The following ZNF682 variants were observed in gnomAD, a reference collection of about 807,000 sequenced individuals.
The protein encoded by ZNF682 is zinc finger protein 682.
A neutral mutation model predicts 36.5 loss-of-function variants in ZNF682; 29 were observed. The ratio of observed to expected loss-of-function variants is 0.80; its 90% CI spans 0.59 to 1.08. The LOEUF (loss-of-function observed/expected upper bound fraction) is 1.08. Ranked by LOEUF, ZNF682 falls within the 50% of genes least tolerant of loss-of-function variation. The pLI is 0.00. For synonymous variants in ZNF682, 180 were observed against 197.0 expected (o/e 0.91, Z 0.72); for missense variants, 561 against 579.7 (o/e 0.97, Z 0.33).
At chr19:20,030,103 C>A (rs1169295243) in intron 1 of ZNF682, among the ~76,000 whole-genome samples, 1 of 152,084 alleles carries the variant, frequency 6.6e-6, no homozygotes, top group African/African-American at 2.4e-5. Flanking sequence ...TCTAAGCCTG[C>A]CCAAGAGAAA....
chr19:20,028,518 G>A (rs1018562745), intron 1 of ZNF682, among the ~76,000 whole-genome samples: 5 of 152,010 alleles, frequency 3.3e-5, no homozygotes, highest in Non-Finnish European at 5.9e-5. Flanking sequence ...AGTCAATTCT[G>A]CAGGCTTGAA....
intron 3 of ZNF682, among the ~76,000 whole-genome samples, chr19:20,021,196 C>G (rs942953557): frequency 6.6e-6 from 1 of 152,244 alleles, no homozygotes; most frequent in East Asian, 1.9e-4. Context: ...GGACTGCATG[C>G]AGCCAGCAGG....
intron 1 of ZNF682, among the ~76,000 whole-genome samples, chr19:20,025,718 A>G (rs534523789): frequency 1.1e-4 from 16 of 152,100 alleles, no homozygotes; most frequent in Non-Finnish European, 1.6e-4. Context: ...CATGAACTAC[A>G]ATAGAACAAA....
chr19:20,013,215 T>C (rs2088305593), intron 3 of ZNF682, among the ~76,000 whole-genome samples: 1 of 152,052 alleles, frequency 6.6e-6, no homozygotes, highest in Admixed American at 6.6e-5. Flanking sequence ...TAAAATATAC[T>C]GTAGTCAAAA....
At position 20,006,776 on chromosome 19, in the gene ZNF682, C is replaced by T. The variant is rs758617939; in HGVS notation, c.726G>A (p.Ser242=). The T allele has an allele frequency of 1.2e-5, 20 of 1,603,020 alleles. 1 individual carries two copies. The highest frequency in any genetic ancestry group is 6.9e-5 in the Admixed American group (4 of 58,318). ...EECGKAFNWC[S]SLTKHKRIHT... ...GGATTCTCTTATGTTTAGTAAGACTCGAGCACCAGTTAAAAGCTTTGCCAC... is the reference window on the plus strand; with the variant it reads ...GGATTCTCTTATGTTTAGTAAGACTTGAGCACCAGTTAAAAGCTTTGCCAC... The change falls in exon 4 of 4, where the codon TCG becomes TCA. Residue 242 remains serine (S), a synonymous_variant. Transcript: ENST00000397165.
chr19:20,038,585 G>A (rs1034248156), intron 1 of ZNF682, among the ~76,000 whole-genome samples: 2 of 149,322 alleles, frequency 1.3e-5, no homozygotes, highest in African/African-American at 5.0e-5. Flanking sequence ...TTAGACTGAG[G>A]TGGCTCTAGT....
chr19:20,024,110 A>T (rs1277280282), intron 2 of ZNF682, 140 bp downstream of exon 2: 2 of 1,033,372 alleles, frequency 1.9e-6, no homozygotes, highest in African/African-American at 1.6e-5. Flanking sequence ...TCTCTATCCC[A>T]ACAAATCCCC....
In ZNF682 at chr19:20,024,323, C is replaced by T. The variant is rs1219744449; in HGVS notation, c.57G>A (p.Glu19=). The T allele has an allele frequency of 6.2e-7, 1 of 1,613,968 alleles. No homozygotes were observed. Among genetic ancestry groups the T allele is most frequent in the Admixed American group, 1.7e-5 (1 of 59,986 alleles). ...VTIEFSLEEW[E]FLNPAQQSLY... is the part of the protein sequence containing the mutation. ...AACTCTGCTGAGCAGGGTTCAGAAA[C>T]TCCCACTCCTCCAGAGAGAATTCTA... The change falls in exon 2 of 4, where the codon GAG becomes GAA. Residue 19 remains glutamate, a synonymous_variant. Transcript: ENST00000397165.
intron 3 of ZNF682, among the ~76,000 whole-genome samples, chr19:20,014,177 T>C (rs1171743694): frequency 1.3e-5 from 2 of 152,130 alleles, no homozygotes; most frequent in Admixed American, 6.5e-5. Context: ...TAAATAATCT[T>C]TAAAATAAAG....
downstream of ZNF682, among the ~76,000 whole-genome samples, chr19:19,999,435 G>A (rs1412486107): frequency 6.6e-6 from 1 of 152,178 alleles, no homozygotes; most frequent in Non-Finnish European, 1.5e-5. Flanking sequence ...TTAAAAATGG[G>A]CTGAAGTTGG....
downstream of ZNF682, among the ~76,000 whole-genome samples, chr19:19,999,616 CCT>C (rs570956329): frequency 1.1e-3 from 173 of 152,144 alleles, no homozygotes; most frequent in African/African-American, 3.0e-3. Context: ...CTCACTGCAA[CCT>C]CTGTCTCCTG....
chr19:20,006,346 T>TA lies in ZNF682; in HGVS notation c.1155dup (p.Lys386Ter). 1 of 1,613,462 alleles carries TA rather than the reference T, an allele frequency of 6.2e-7. No individual in the cohort carries two copies. The highest frequency in any genetic ancestry group is 1.7e-5 in the Admixed American group (1 of 60,008). On this transcript the variant is annotated frameshift_variant, in exon 4 of 4. Coordinates refer to ENST00000397165, the MANE Select transcript of ZNF682 (RefSeq NM_033196.3). LOFTEE classifies it high-confidence loss of function. ...TCTCCAGTGTGAATTCTCTTGTGTT[T>TA]AGTAAGGTATGAGAACCTCTTAAAG... is the stretch of plus-strand genomic sequence containing the variant.
At chr19:20,026,330 G>C (rs1303774881) in intron 1 of ZNF682, among the ~76,000 whole-genome samples, 1 of 151,696 alleles carries the variant, frequency 6.6e-6, no homozygotes, top group African/African-American at 2.4e-5. Flanking sequence ...TTTCTGCATA[G>C]AGCTGATGGA....
chr19:20,019,238 A>AC (rs60061877), intron 3 of ZNF682, among the ~76,000 whole-genome samples: 4 of 151,452 alleles, frequency 2.6e-5, no homozygotes, highest in African/African-American at 9.7e-5. Flanking sequence ...AACTGTAACC[A>AC]CCCCCCCAAA....
chr19:20,031,234 T>C (rs751247292), intron 1 of ZNF682: 2 of 152,276 alleles, frequency 1.3e-5, no homozygotes, highest in Non-Finnish European at 2.9e-5. Flanking sequence ...GAATATTTTA[T>C]TCCAGTATCA....
intron 1 of ZNF682, among the ~76,000 whole-genome samples, chr19:20,025,783 T>A (rs145621637): frequency 6.6e-6 from 1 of 152,170 alleles, no homozygotes; most frequent in Non-Finnish European, 1.5e-5. Context: ...TATGATATTA[T>A]TGGCAACAAA....
chr19:20,024,116 TCC>T, intron 2 of ZNF682, 132 bp downstream of exon 2: 2 of 1,063,534 alleles, frequency 1.9e-6, no homozygotes, highest in Non-Finnish European at 2.7e-6. Flanking sequence ...TCCCAACAAA[TCC>T]CCAAGTTTTC....
At chr19:20,033,662 C>CCT (rs966704730) in intron 1 of ZNF682, 11 of 152,532 alleles carry the variant, frequency 7.2e-5, no homozygotes, top group African/African-American at 2.7e-4. Context: ...AAGTGATTCT[C>CCT]CTCCCTCAGC....
exon 4 of ZNF682, chr19:19,997,068 GA>G (rs879659476): frequency 0.072 from 21,807 of 303,844 alleles, 39 homozygotes; most frequent in Middle Eastern, 0.093. Flanking sequence ...ATAAGACAAG[GA>G]AAAAAAAAAA....
Sources: gnomAD v4.1 joint callset for allele counts (sites outside exome capture counted in the v4.1 genomes callset) on GRCh38, gnomAD v4.1.1 for gene constraint, MANE v1.5 for transcripts, NCBI Gene and HGNC (gene_info 2026-07-23, HGNC 2026-07-21) for gene names.